SCAI: variants seen among roughly 807,000 people sequenced by gnomAD.
SCAI encodes suppressor of cancer cell invasion.
SCAI carries 24 observed loss-of-function variants against 92.2 expected under a neutral mutation model. The observed-to-expected ratio is 0.26, with a 90% CI of 0.19 to 0.37. The LOEUF (loss-of-function observed/expected upper bound fraction) is 0.37, where lower values mean the gene tolerates loss of function less well. Among genes scored for constraint, SCAI ranks in the 10% least tolerant of loss-of-function variants. The probability of loss-of-function intolerance (pLI) is 1.00; values close to 1 mark genes in which losing one functional copy is unlikely to be tolerated. For missense variants in SCAI, 450 were observed against 736.2 expected (o/e 0.61, Z 4.50); for synonymous variants, 261 against 258.6 (o/e 1.01, Z -0.09).
rs1245596869 is a variant in SCAI, at chr9:125,143,440, G to A, written c.-3C>T. On this transcript the variant is annotated 5_prime_UTR_variant, in exon 1 of 18. Coordinates refer to ENST00000336505, the MANE Select transcript of SCAI (RefSeq NM_001144877.3). ...GGCTGCCGGGCTCCTCTGACCATCCGGCTCCTGCTCCGCCGCGGGAGCTGC... is the reference window on the plus strand; with the variant it reads ...GGCTGCCGGGCTCCTCTGACCATCCAGCTCCTGCTCCGCCGCGGGAGCTGC... 2.2e-6 allele frequency: 3 copies of A among 1,383,576 alleles called. No individual in the cohort carries two copies. The highest frequency in any genetic ancestry group is 1.6e-5 in the South Asian group (1 of 63,672). 85.7% of individuals were successfully genotyped at this position (1,383,576 alleles called of 1,614,324 possible).
chr9:124,975,310 G>C, intron 15 of SCAI: 1 of 456,548 alleles, frequency 2.2e-6, no homozygotes, highest in Non-Finnish European at 4.4e-6. Context: ...ATCACTTCCT[G>C]TGTCAAACTA....
intron 3 of SCAI, among the ~76,000 whole-genome samples, chr9:125,048,224 C>G (rs1833486428): frequency 6.6e-6 from 1 of 152,110 alleles, no homozygotes; most frequent in Non-Finnish European, 1.5e-5. Flanking sequence ...GTGATCCACA[C>G]ACCTCAGCCT....
chr9:125,032,190 T>C lies in SCAI; in HGVS notation c.231-2451A>G, dbSNP rs1156605893. ...AAATGAATATATATATATATATATATATATATTTTTTTTTTTTTTTGAGAT... is the reference window on the plus strand; with the variant it reads ...AAATGAATATATATATATATATATACATATATTTTTTTTTTTTTTTGAGAT... On this transcript the variant is annotated intron_variant, in intron 3 of 17. Transcript: ENST00000336505. Among the ~76,000 whole-genome samples the C allele has an allele frequency of 3.3e-3, 268 of 80,732 alleles. 1 individual carries two copies. Among genetic ancestry groups the C allele is most frequent in the South Asian group, 7.8e-3 (19 of 2,448 alleles). 53.0% of individuals were successfully genotyped at this position (80,732 alleles called of 152,430 possible). A position where few individuals can be genotyped will look rare whatever the true frequency, so the allele number is the denominator to read the frequency against.
chr9:125,017,979 C>G (rs2131069249), intron 9 of SCAI, among the ~76,000 whole-genome samples: 1 of 151,830 alleles, frequency 6.6e-6, no homozygotes, highest in South Asian at 2.1e-4. Flanking sequence ...ACTGCACTCC[C>G]ACCTGAGTGA....
intron 14 of SCAI, among the ~76,000 whole-genome samples, chr9:124,992,432 G>A (rs925661658): frequency 3.3e-5 from 5 of 150,442 alleles, no homozygotes; most frequent in Admixed American, 2.7e-4. Context: ...CACCCAGGCT[G>A]GAGTGCAATG....
At chr9:125,051,652 AATT>A (rs1335182220) in intron 3 of SCAI, among the ~76,000 whole-genome samples, 18 of 152,250 alleles carry the variant, frequency 1.2e-4, no homozygotes, top group Non-Finnish European at 2.1e-4. Flanking sequence ...ACATATGTAA[AATT>A]ATTATGTATC....
At chr9:125,053,400 T>A (rs1450260319) in intron 3 of SCAI, among the ~76,000 whole-genome samples, 1 of 152,156 alleles carries the variant, frequency 6.6e-6, no homozygotes, top group Non-Finnish European at 1.5e-5. Flanking sequence ...CTATTATTCT[T>A]GATAGCCAAA....
At chr9:125,026,486 T>C (rs954622842) in intron 6 of SCAI, among the ~76,000 whole-genome samples, 3 of 152,204 alleles carry the variant, frequency 2.0e-5, no homozygotes, top group African/African-American at 7.2e-5. Flanking sequence ...GAATTAAGAT[T>C]ACACAGGCTA....
intron 2 of SCAI, among the ~76,000 whole-genome samples, chr9:125,130,664 C>A (rs1439716973): frequency 1.3e-5 from 2 of 151,782 alleles, no homozygotes; most frequent in Non-Finnish European, 2.9e-5. Flanking sequence ...CAGCTGCACA[C>A]CACCAATCCC....
intron 6 of SCAI, among the ~76,000 whole-genome samples, chr9:125,023,218 T>C (rs1319340515): frequency 1.3e-5 from 2 of 152,186 alleles, no homozygotes; most frequent in Non-Finnish European, 2.9e-5. Context: ...CTTCCCCTTC[T>C]AGTTTCAATT....
chr9:125,050,750 T>C (rs1833545008), intron 3 of SCAI, among the ~76,000 whole-genome samples: 1 of 152,060 alleles, frequency 6.6e-6, no homozygotes, highest in African/African-American at 2.4e-5. Context: ...TTTTTAAATT[T>C]TTGGTAGATG....
chr9:124,980,436 G>C (rs935921688), intron 14 of SCAI, among the ~76,000 whole-genome samples: 1 of 152,010 alleles, frequency 6.6e-6, no homozygotes, highest in Non-Finnish European at 1.5e-5. Flanking sequence ...TAGTTTTGGT[G>C]AAAATTCCTA....
chr9:124,988,882 G>A (rs898188293), intron 14 of SCAI, among the ~76,000 whole-genome samples: 5 of 152,224 alleles, frequency 3.3e-5, no homozygotes, highest in Non-Finnish European at 7.3e-5. Context: ...GCTCACGCCT[G>A]TAATCCCAGA....
intron 2 of SCAI, 99 bp downstream of exon 2, chr9:125,142,534 G>A (rs969711272): frequency 1.1e-6 from 1 of 873,272 alleles, no homozygotes; most frequent in Non-Finnish European, 1.8e-6. Flanking sequence ...GGATAAATAA[G>A]AAACTTCATC....
chr9:125,039,025 C>T (rs1833258937), intron 3 of SCAI, among the ~76,000 whole-genome samples: 1 of 152,170 alleles, frequency 6.6e-6, no homozygotes, highest in African/African-American at 2.4e-5. Context: ...GGTTTCATAG[C>T]TCTCAGTATG....
intron 2 of SCAI, among the ~76,000 whole-genome samples, chr9:125,096,183 G>C (rs111731505): frequency 7.2e-5 from 11 of 152,324 alleles, no homozygotes; most frequent in African/African-American, 2.6e-4. Flanking sequence ...AATCATGGCA[G>C]AAGGCAAGGA....
At chr9:125,106,082 G>A (rs1465757198) in intron 2 of SCAI, among the ~76,000 whole-genome samples, 1 of 90,822 alleles carries the variant, frequency 1.1e-5, no homozygotes, top group Admixed American at 1.7e-4. Flanking sequence ...GCGTGACAGA[G>A]TGAGACTCCA....
chr9:124,985,765 G>A (rs2131607207), intron 14 of SCAI, among the ~76,000 whole-genome samples: 1 of 152,058 alleles, frequency 6.6e-6, no homozygotes, highest in Non-Finnish European at 1.5e-5. Flanking sequence ...TACTTGGGAG[G>A]CTGAGGAGAA....
intron 6 of SCAI, among the ~76,000 whole-genome samples, chr9:125,026,113 G>A (rs1296495233): frequency 1.3e-5 from 2 of 152,180 alleles, no homozygotes; most frequent in African/African-American, 4.8e-5. Flanking sequence ...GCTCACGCCT[G>A]TAATCCCAGC....
Sources: allele counts gnomAD v4.1 joint callset (sites outside exome capture counted in the v4.1 genomes callset), GRCh38; gene constraint gnomAD v4.1.1; transcripts MANE v1.5; gene names NCBI Gene and HGNC (gene_info 2026-07-23, HGNC 2026-07-21).